GPR137C: variants seen among roughly 807,000 people sequenced by gnomAD.
GPR137C encodes integral membrane protein GPR137C.
GPR137C carries 27 observed loss-of-function variants against 43.4 expected under a neutral mutation model. That is an observed-to-expected ratio of 0.62 (90% confidence interval 0.46 to 0.86). The LOEUF (loss-of-function observed/expected upper bound fraction) is 0.86, where lower values mean the gene tolerates loss of function less well. GPR137C is among the 40% of genes least tolerant of loss of function. The pLI is 0.00. For synonymous variants in GPR137C, 285 were observed against 226.9 expected (o/e 1.26, Z -2.30); for missense variants, 522 against 534.6 (o/e 0.98, Z 0.23).
intron 1 of GPR137C, among the ~76,000 whole-genome samples, chr14:52,569,945 G>A (rs941082917): frequency 1.3e-5 from 2 of 151,984 alleles, no homozygotes; most frequent in Non-Finnish European, 2.9e-5. Flanking sequence ...CCACGAGAAC[G>A]TCCCTAACCT....
At chr14:52,599,425 T>A (rs1399991362) in intron 2 of GPR137C, among the ~76,000 whole-genome samples, 3 of 145,164 alleles carry the variant, frequency 2.1e-5, no homozygotes, top group Non-Finnish European at 4.5e-5. Context: ...TCTTAAAAAT[T>A]TTTTTTTCCT....
intron 1 of GPR137C, among the ~76,000 whole-genome samples, chr14:52,580,821 TATA>T (rs963624825): frequency 3.5e-4 from 51 of 147,548 alleles, no homozygotes; most frequent in Middle Eastern, 3.6e-3. Flanking sequence ...TTTATATTTA[TATA>T]ATAATATTTA....
intron 1 of GPR137C, among the ~76,000 whole-genome samples, chr14:52,556,865 A>G (rs560864393): frequency 1.1e-4 from 17 of 152,194 alleles, no homozygotes; most frequent in African/African-American, 3.9e-4. Flanking sequence ...GTTCATCTTC[A>G]ACATATTGAA....
chr14:52,628,024 C>A (rs1472406924), intron 3 of GPR137C, among the ~76,000 whole-genome samples: 1 of 152,126 alleles, frequency 6.6e-6, no homozygotes, highest in Non-Finnish European at 1.5e-5. Flanking sequence ...AATGTAAATA[C>A]TCTCATGTGG....
chr14:52,611,842 G>A (rs1207360705), intron 3 of GPR137C: 1 of 700,800 alleles, frequency 1.4e-6, no homozygotes, highest in Non-Finnish European at 1.8e-6. Context: ...GTGTTGCAAG[G>A]ATGAAATAAT....
intron 1 of GPR137C, chr14:52,596,971 T>TA: frequency 2.2e-6 from 1 of 454,780 alleles, no homozygotes; most frequent in South Asian, 1.6e-5. Context: ...ACCCATCTTA[T>TA]ATCTCCAAAT....
Position 52,637,637 on chromosome 14 carries a change from A to G in GPR137C, c.*2522A>G, listed in dbSNP as rs942565918. 2 of 152,168 alleles carry G rather than the reference A, an allele frequency of 1.3e-5. No individual in the cohort carries two copies. The highest frequency in any genetic ancestry group is 2.4e-5 in the African/African-American group (1 of 41,456). 9.4% of individuals were successfully genotyped at this position (152,168 alleles called of 1,614,324 possible). A position where few individuals can be genotyped will look rare whatever the true frequency, so the allele number is the denominator to read the frequency against. On this transcript the variant is annotated 3_prime_UTR_variant, in exon 7 of 7. Coordinates refer to ENST00000321662, the MANE Select transcript of GPR137C (RefSeq NM_001099652.2). ...TGGTTGTAAAAGTATAGCTGTGGCC[A>G]ATGAATGTATTTATTTGTTGTTTCA... is the stretch of plus-strand genomic sequence containing the variant.
chr14:52,614,280 C>G (rs1489001649), intron 3 of GPR137C, among the ~76,000 whole-genome samples: 3 of 151,810 alleles, frequency 2.0e-5, no homozygotes, highest in Non-Finnish European at 4.4e-5. Context: ...ACCACCACAC[C>G]TGGCTAATTT....
chr14:52,569,112 A>G (rs578133253), intron 1 of GPR137C, among the ~76,000 whole-genome samples: 14 of 152,228 alleles, frequency 9.2e-5, no homozygotes, highest in Non-Finnish European at 1.9e-4. Flanking sequence ...ACAGACAGCA[A>G]TCTTTGCTGT....
chr14:52,626,455 T>TA (rs1210331601), intron 3 of GPR137C, among the ~76,000 whole-genome samples: 2,069 of 142,290 alleles, frequency 0.015, 32 homozygotes, highest in Admixed American at 0.04. Flanking sequence ...CCTTCATGAT[T>TA]AAAAAAAAAA....
At position 52,600,308 on chromosome 14, in the gene GPR137C, A is replaced by C; in HGVS notation, c.684A>C (p.Lys228Asn). The C allele has an allele frequency of 6.2e-7, 1 of 1,608,486 alleles. No homozygotes were observed. Among genetic ancestry groups the C allele is most frequent in the Non-Finnish European group, 8.5e-7 (1 of 1,175,436 alleles). ...SLVCYICKIT[K>N]MSSANVYLES... is the part of the protein sequence containing the mutation. The stretch of plus-strand genomic sequence containing the variant: ...TGTGTTACATATGCAAAATTACAAA[A>C]ATGTCATCAGCTAATGTCTACCTCG... The change falls in exon 3 of 7, where the codon AAA becomes AAC. Residue 228 changes from lysine (K) to asparagine (N), a missense_variant. Physicochemically the swap from Lys to Asn is moderately conservative, Grantham distance 94. This residue lies in a region of GPR137C where 437 missense variants were observed against 425.7 expected (regional missense o/e 1.03). Coordinates refer to ENST00000321662, the MANE Select transcript of GPR137C (RefSeq NM_001099652.2).
At chr14:52,615,971 T>C (rs2039094100) in intron 3 of GPR137C, among the ~76,000 whole-genome samples, 1 of 152,256 alleles carries the variant, frequency 6.6e-6, no homozygotes, top group African/African-American at 2.4e-5. Flanking sequence ...TTTTCTCACA[T>C]ATTTAAGGTT....
chr14:52,588,365 G>A (rs529082443), intron 1 of GPR137C, among the ~76,000 whole-genome samples: 4 of 152,010 alleles, frequency 2.6e-5, no homozygotes, highest in Admixed American at 2.0e-4. Flanking sequence ...GGCTGGTCTC[G>A]AACTCCTAAC....
At chr14:52,594,173 C>G (rs1293268802) in intron 1 of GPR137C, among the ~76,000 whole-genome samples, 2 of 149,270 alleles carry the variant, frequency 1.3e-5, no homozygotes, top group African/African-American at 4.9e-5. Flanking sequence ...GATTGATTGC[C>G]CTGTGGTCTG....
At chr14:52,553,982 C>T (rs2140246420) in intron 1 of GPR137C, among the ~76,000 whole-genome samples, 1 of 152,304 alleles carries the variant, frequency 6.6e-6, no homozygotes, top group Non-Finnish European at 1.5e-5. Flanking sequence ...AGGTTGGATG[C>T]TGAGGTAGCA....
In GPR137C at chr14:52,600,228, T is replaced by A; in HGVS notation, c.604T>A (p.Phe202Ile). The A allele has an allele frequency of 6.2e-7, 1 of 1,613,732 alleles. No individual in the cohort carries two copies. Among genetic ancestry groups the A allele is most frequent in the Non-Finnish European group, 8.5e-7 (1 of 1,179,664 alleles). The change falls in exon 3 of 7, where the codon TTT becomes ATT. Residue 202 changes from phenylalanine (F) to isoleucine (I), a missense_variant. Transcript: ENST00000321662. ...VPENQLKWTV[F>I]VRALINDSLF... ...AGAAAATCAGTTGAAGTGGACTGTG[T>A]TTGTTCGAGCATTAATTAATGATAG...
In GPR137C at chr14:52,553,360, G is replaced by A. The variant is rs775581185; in HGVS notation, c.213G>A (p.Leu71=). Residue 71 remains leucine, a synonymous_variant, in exon 1 of 7, where the codon CTG becomes CTA. Transcript: ENST00000321662. Reference sequence around the variant, plus strand: ...TTGCCTACCTGCAGCTGTGGCGGCTGCTCCTGTACCGCGAGCGGCGGCTGA... The same window carrying A: ...TTGCCTACCTGCAGCTGTGGCGGCTACTCCTGTACCGCGAGCGGCGGCTGA... The part of the protein sequence containing the change: ...FAFAYLQLWR[L]LLYRERRLSY... 1 of 1,603,844 alleles carries A rather than the reference G, an allele frequency of 6.2e-7. No homozygotes were observed. The highest frequency in any genetic ancestry group is 1.1e-5 in the South Asian group (1 of 90,760).
At chr14:52,599,834 T>C (rs2038902480) in intron 2 of GPR137C, among the ~76,000 whole-genome samples, 2 of 152,256 alleles carry the variant, frequency 1.3e-5, no homozygotes, top group African/African-American at 4.8e-5. Context: ...CTGATAATTC[T>C]TGGATTGGAA....
At chr14:52,590,066 A>G (rs1260963859) in intron 1 of GPR137C, among the ~76,000 whole-genome samples, 6 of 152,182 alleles carry the variant, frequency 3.9e-5, no homozygotes, top group Non-Finnish European at 7.3e-5. Context: ...TTATCATAGG[A>G]GATGACAGCT....
Sources: allele counts gnomAD v4.1 joint callset (sites outside exome capture counted in the v4.1 genomes callset), GRCh38; gene constraint gnomAD v4.1.1; regional missense constraint gnomAD v4.1.1; transcripts MANE v1.5; gene names NCBI Gene and HGNC (gene_info 2026-07-23, HGNC 2026-07-21).